Variants in CNTNAP5 observed in about 807,000 individuals in gnomAD.
The protein encoded by CNTNAP5 is contactin associated protein family member 5, also known as contactin-associated protein-like 5.
Under a neutral mutation model 150.2 loss-of-function variants are expected in CNTNAP5, and 72 were observed. The observed-to-expected ratio is 0.48, with a 90% CI of 0.40 to 0.58. CNTNAP5 has a LOEUF of 0.58. Ranked by LOEUF, CNTNAP5 falls within the 20% of genes least tolerant of loss-of-function variation. CNTNAP5 has a pLI of 0.00. For missense variants in CNTNAP5, 1,636 were observed against 1,626.2 expected (o/e 1.01, Z -0.10); for synonymous variants, 672 against 619.8 (o/e 1.08, Z -1.25).
Position 124,772,311 on chromosome 2 carries a change from A to T in CNTNAP5, c.2534-488A>T, listed in dbSNP as rs565971793. 2.6e-5 allele frequency among the ~76,000 whole-genome samples: 4 copies of T among 152,314 alleles called. No individual in the cohort carries two copies. In the South Asian group the frequency reaches 6.2e-4, roughly 24 times the overall value. On this transcript the variant is annotated intron_variant, in intron 16 of 23. Transcript: ENST00000682447. ...GCCACCTGCAGCAGTGTCTCCTTGG[A>T]CAAGGCGATACAACTTTCTGAGCTT... is the stretch of plus-strand genomic sequence containing the variant.
chr2:124,226,894 A>G (rs1328484458), intron 2 of CNTNAP5, among the ~76,000 whole-genome samples: 2 of 152,004 alleles, frequency 1.3e-5, no homozygotes. Context: ...TTCATCTTAT[A>G]AAGCCACCAG....
At chr2:124,094,781 T>C (rs571166606) in intron 1 of CNTNAP5, among the ~76,000 whole-genome samples, 1 of 152,288 alleles carries the variant, frequency 6.6e-6, no homozygotes, top group Admixed American at 6.5e-5. Flanking sequence ...GATGAGTTTT[T>C]GGGTGAGATG....
rs973305665 is a variant in CNTNAP5, at chr2:124,212,983, C to T, written c.83-8722C>T. 4.6e-5 allele frequency among the ~76,000 whole-genome samples: 7 copies of T among 151,800 alleles called. No individual in the cohort carries two copies. The South Asian group carries it at 8.3e-4, about 18-fold the overall frequency. On this transcript the variant is annotated intron_variant, in intron 1 of 23. Transcript: ENST00000682447. The stretch of plus-strand genomic sequence containing the variant: ...CCTCCCGAGTAGCTGGGACTACAGG[C>T]GCCTGGCACCACGCCCGGCTAATTT...
At chr2:124,493,471 G>T (rs938400213) in intron 7 of CNTNAP5, among the ~76,000 whole-genome samples, 1 of 151,858 alleles carries the variant, frequency 6.6e-6, no homozygotes, top group Admixed American at 6.6e-5. Context: ...CTCCCTAGTA[G>T]CTGGGACTAC....
At chr2:124,296,467 C>G (rs566576167) in intron 3 of CNTNAP5, among the ~76,000 whole-genome samples, 1 of 152,164 alleles carries the variant, frequency 6.6e-6, no homozygotes, top group Non-Finnish European at 1.5e-5. Flanking sequence ...GGATGGTGAA[C>G]ACTGTCTTTG....
At chr2:124,701,601 T>C (rs1487213444) in intron 13 of CNTNAP5, among the ~76,000 whole-genome samples, 3 of 152,132 alleles carry the variant, frequency 2.0e-5, no homozygotes, top group African/African-American at 7.2e-5. Context: ...TAATTCCCCA[T>C]ACTGCTTTCT....
chr2:124,681,301 CAA>C (rs70996097), intron 13 of CNTNAP5, among the ~76,000 whole-genome samples: 11 of 72,364 alleles, frequency 1.5e-4, no homozygotes, highest in African/African-American at 3.9e-4. Flanking sequence ...GACTCCATCT[CAA>C]AAAAAAAAAA....
intron 3 of CNTNAP5, among the ~76,000 whole-genome samples, chr2:124,351,069 G>C (rs2104702338): frequency 6.6e-6 from 1 of 152,320 alleles, no homozygotes; most frequent in Non-Finnish European, 1.5e-5. Flanking sequence ...ACGACAGATA[G>C]TGTCTTTGAT....
intron 13 of CNTNAP5, among the ~76,000 whole-genome samples, chr2:124,659,209 G>T (rs1465845938): frequency 6.6e-6 from 1 of 152,132 alleles, no homozygotes; most frequent in Non-Finnish European, 1.5e-5. Context: ...AATTACAGGG[G>T]TGCCTTTCTG....
Position 124,838,443 on chromosome 2 carries a change from G to A in CNTNAP5, c.3218-26863G>A, listed in dbSNP as rs147452981. 2.5e-3 allele frequency among the ~76,000 whole-genome samples: 377 copies of A among 152,210 alleles called. 2 individuals are homozygous for A. The highest frequency in any genetic ancestry group is 8.6e-3 in the African/African-American group (358 of 41,550). On this transcript the variant is annotated intron_variant, in intron 19 of 23. Coordinates refer to ENST00000682447, the MANE Select transcript of CNTNAP5 (RefSeq NM_001367498.1). ...GATTTGAACTGGGCCACTATGTCAT[G>A]GAGCTCTACCAGGATTCTATCTTTG...
intron 17 of CNTNAP5, among the ~76,000 whole-genome samples, chr2:124,780,294 T>G (rs916618020): frequency 9.9e-5 from 15 of 152,158 alleles, no homozygotes; most frequent in Non-Finnish European, 2.1e-4. Context: ...TTCACCCCAT[T>G]GGAATAATGA....
intron 1 of CNTNAP5, among the ~76,000 whole-genome samples, chr2:124,073,982 T>A (rs974962370): frequency 6.6e-6 from 1 of 152,148 alleles, no homozygotes; most frequent in Admixed American, 6.6e-5. Flanking sequence ...GTGGTACATA[T>A]ACACAATGGA....
chr2:124,197,720 G>A (rs1156999028), intron 1 of CNTNAP5, among the ~76,000 whole-genome samples: 4 of 152,064 alleles, frequency 2.6e-5, no homozygotes, highest in Non-Finnish European at 5.9e-5. Flanking sequence ...AGTGGCTCAC[G>A]CATGTAATCC....
chr2:124,527,160 G>C, intron 9 of CNTNAP5, 125 bp from the exon 10 acceptor site: 1 of 694,172 alleles, frequency 1.4e-6, no homozygotes. Context: ...AATGAAAAGG[G>C]TGTGCACTGC....
At chr2:124,908,859 G>A (rs1177974937) in intron 22 of CNTNAP5, among the ~76,000 whole-genome samples, 2 of 151,792 alleles carry the variant, frequency 1.3e-5, no homozygotes, top group Non-Finnish European at 2.9e-5. Context: ...AAAAATAACA[G>A]TAAATAAATT....
chr2:124,086,620 C>G (rs1264933397), intron 1 of CNTNAP5, among the ~76,000 whole-genome samples: 3 of 151,090 alleles, frequency 2.0e-5, no homozygotes, highest in Non-Finnish European at 3.0e-5. Flanking sequence ...GATATATTAT[C>G]TATATCTTAT....
At chr2:124,264,389 TACACACACACACACACACACACAC>T (rs200429155) in intron 3 of CNTNAP5, among the ~76,000 whole-genome samples, 1 of 126,552 alleles carries the variant, frequency 7.9e-6, no homozygotes, top group Non-Finnish European at 1.8e-5. Flanking sequence ...CACACACACA[TACACACACACACACACACACACAC>T]ACACACACAC....
intron 22 of CNTNAP5, among the ~76,000 whole-genome samples, chr2:124,909,084 G>C (rs751027978): frequency 2.0e-5 from 3 of 152,232 alleles, no homozygotes; most frequent in East Asian, 1.9e-4. Context: ...TAAGAGTAAA[G>C]TGTTTATAAA....
chr2:124,594,752 A>T (rs1399039199), intron 11 of CNTNAP5, among the ~76,000 whole-genome samples: 1 of 131,382 alleles, frequency 7.6e-6, no homozygotes, highest in Non-Finnish European at 1.6e-5. Context: ...CACGATATTG[A>T]TTCTTCCTAC....
Sources: gnomAD v4.1 joint callset for allele counts (sites outside exome capture counted in the v4.1 genomes callset) on GRCh38, gnomAD v4.1.1 for gene constraint, MANE v1.5 for transcripts, NCBI Gene and HGNC (gene_info 2026-07-23, HGNC 2026-07-21) for gene names.